Variants in POLA1 observed in about 807,000 individuals in gnomAD.
The protein encoded by POLA1 is DNA polymerase alpha catalytic subunit.
A neutral mutation model predicts 124.0 loss-of-function variants in POLA1; 15 were observed. The observed-to-expected ratio is 0.12, with a 90% CI of 0.08 to 0.19. POLA1 has a LOEUF of 0.19. Among genes scored for constraint, POLA1 ranks in the 10% least tolerant of loss-of-function variants. The probability of loss-of-function intolerance (pLI) is 1.00; values close to 1 mark genes in which losing one functional copy is unlikely to be tolerated. For missense variants in POLA1, 886 were observed against 1,103.4 expected, an observed-to-expected ratio of 0.80 and a Z score of 2.79; for synonymous variants, 408 against 389.4, an observed-to-expected ratio of 1.05 and a Z score of -0.56.
intron 32 of POLA1, among the ~76,000 whole-genome samples, chrX:24,828,181 T>C (rs763309036): frequency 8.9e-6 from 1 of 112,918 alleles, no homozygotes; most frequent in South Asian, 3.7e-4. Context: ...AAAAGCAAGG[T>C]ATTTTTTAGC....
chrX:24,931,069 A>G (rs7053813), intron 36 of POLA1, among the ~76,000 whole-genome samples: 5,112 of 110,665 alleles, frequency 0.046, 288 homozygotes, highest in African/African-American at 0.16. Context: ...AACCCTCAGC[A>G]CTCGGCGTTT....
intron 36 of POLA1, among the ~76,000 whole-genome samples, chrX:24,984,434 C>A (rs975840700): frequency 3.6e-5 from 4 of 111,546 alleles, no homozygotes; most frequent in Non-Finnish European, 5.6e-5. Flanking sequence ...AAGGAACAAA[C>A]TGAAATAAGG....
intron 34 of POLA1, among the ~76,000 whole-genome samples, chrX:24,861,332 A>G (rs1044287640): frequency 8.9e-6 from 1 of 112,019 alleles, no homozygotes; most frequent in African/African-American, 3.2e-5. Flanking sequence ...GGCTTTCGCC[A>G]TGTTTCCCAA....
chrX:24,747,223 T>C (rs1932057416), intron 24 of POLA1, among the ~76,000 whole-genome samples: 1 of 107,883 alleles, frequency 9.3e-6, no homozygotes, highest in Non-Finnish European at 1.9e-5. Context: ...TGGAGTGCAA[T>C]GTTGTGATCT....
At chrX:24,988,171 C>CTACA (rs2147298372) in intron 36 of POLA1, among the ~76,000 whole-genome samples, 1 of 112,554 alleles carries the variant, frequency 8.9e-6, no homozygotes, top group Non-Finnish European at 1.9e-5. Flanking sequence ...TGCCTATTTG[C>CTACA]ATATTTCTAC....
At position 24,701,373 on chromosome X, in the gene POLA1, A is replaced by G. The variant is rs1196363880; in HGVS notation, c.168+1824A>G. Among the ~76,000 whole-genome samples the G allele has an allele frequency of 2.7e-5, 3 of 110,326 alleles. No homozygotes were observed. The Admixed American group carries it at 2.9e-4, about 11-fold the overall frequency. The stretch of plus-strand genomic sequence containing the variant: ...AAAAGCTCTGTCCAAGTTTTTTCCT[A>G]GGGTATTAACTCTTCAGATGGAGTT... On this transcript the variant is annotated intron_variant, in intron 2 of 36. Transcript: ENST00000379068.
chrX:24,916,287 C>CTTTTTTTTTTTTTTTTTTTTTTT (rs1301083848), intron 35 of POLA1, among the ~76,000 whole-genome samples: 1 of 95,162 alleles, frequency 1.1e-5, no homozygotes, highest in African/African-American at 4.0e-5. Flanking sequence ...TTTCTTTTTT[C>CTTTTTTTTTTTTTTTTTTTTTTT]TTTTTTTTTT....
At position 24,810,076 on chromosome X, in the gene POLA1, C is replaced by T. The variant is rs1025682821; in HGVS notation, c.2997+146C>T. 7.2e-6 allele frequency: 3 copies of T among 417,252 alleles called. No individual in the cohort carries two copies. The African/African-American group carries it at 7.6e-5, about 11-fold the overall frequency. The allele number at this position is 417,252 out of a possible 1,213,427, so 34.4% of individuals were successfully genotyped here. A position where few individuals can be genotyped will look rare whatever the true frequency, so the allele number is the denominator to read the frequency against. On this transcript the variant is annotated intron_variant, in intron 27 of 36. Coordinates refer to ENST00000379068, the MANE Select transcript of POLA1 (RefSeq NM_001330360.2). Reference sequence around the variant, plus strand: ...ATTTATAATCCTTCCTAATGGATTACAGCTTTTTTCTTTTACCAGTGCTGA... The same window carrying T: ...ATTTATAATCCTTCCTAATGGATTATAGCTTTTTTCTTTTACCAGTGCTGA...
intron 1 of POLA1, among the ~76,000 whole-genome samples, chrX:24,695,369 CT>C (rs1012433958): frequency 3.8e-5 from 4 of 106,542 alleles, no homozygotes; most frequent in Admixed American, 1.0e-4. Flanking sequence ...AAAATGTAGG[CT>C]TTTTTTTTTC....
At chrX:24,871,215 G>T (rs1183126615) in intron 34 of POLA1, among the ~76,000 whole-genome samples, 1 of 112,169 alleles carries the variant, frequency 8.9e-6, no homozygotes, top group African/African-American at 3.2e-5. Context: ...AACCTTATTT[G>T]TATAAATACA....
At chrX:24,906,676 T>A (rs1207638839) in intron 35 of POLA1, among the ~76,000 whole-genome samples, 1 of 110,679 alleles carries the variant, frequency 9.0e-6, no homozygotes, top group Non-Finnish European at 1.9e-5. Context: ...ACTATTGAAA[T>A]AATTTTTTTT....
At chrX:24,826,727 A>C (rs1477576519) in intron 32 of POLA1, 126 bp downstream of exon 32, 1 of 455,998 alleles carries the variant, frequency 2.2e-6, no homozygotes, top group Non-Finnish European at 3.6e-6. Context: ...TATAGTTTAG[A>C]ATGTATTTTT....
chrX:24,732,339 G>A, intron 15 of POLA1, 31 bp from the exon 16 acceptor site: 1 of 926,922 alleles, frequency 1.1e-6, no homozygotes, highest in Non-Finnish European at 1.6e-6. Flanking sequence ...TAGCGGTCTG[G>A]TAAGTGGGTT....
At chrX:24,739,626 T>C in intron 20 of POLA1, 76 bp downstream of exon 20, 2 of 625,240 alleles carry the variant, frequency 3.2e-6, no homozygotes, top group Non-Finnish European at 4.9e-6. Context: ...CTATCCTTAG[T>C]CTGGAGGGAC....
intron 34 of POLA1, among the ~76,000 whole-genome samples, chrX:24,876,798 T>A (rs1025949143): frequency 4.5e-5 from 5 of 111,561 alleles, no homozygotes; most frequent in African/African-American, 1.6e-4. Context: ...AGTTAGAAAT[T>A]ACAGCTGTAG....
At position 24,727,766 on chromosome X, in the gene POLA1, A is replaced by G; in HGVS notation, c.1532-16A>G. ...CAGTAAATAGCTATTGATCTGTTGT[A>G]TCTATTCTCTTTCAGAGCTCTTGAA... is the stretch of plus-strand genomic sequence containing the variant. On this transcript the variant is annotated splice_polypyrimidine_tract_variant and intron_variant, in intron 14 of 36. Transcript: ENST00000379068. 8.4e-7 allele frequency: 1 copy of G among 1,194,473 alleles called. No individual in the cohort carries two copies. The highest frequency in any genetic ancestry group is 1.8e-5 in the South Asian group (1 of 55,491).
intron 32 of POLA1, among the ~76,000 whole-genome samples, chrX:24,839,996 TCTAATTTA>T (rs1219005453): frequency 8.9e-6 from 1 of 112,109 alleles, no homozygotes; most frequent in Non-Finnish European, 1.9e-5. Flanking sequence ...CACATAATTC[TCTAATTTA>T]CTATTTCTCT....
intron 15 of POLA1, 23 bp from the exon 16 acceptor site, chrX:24,732,347 G>T: frequency 1.9e-6 from 2 of 1,080,247 alleles, no homozygotes; most frequent in Middle Eastern, 4.9e-4. Flanking sequence ...TGGTAAGTGG[G>T]TTTTTTCCTC....
At chrX:24,824,801 T>C (rs1168813246) in intron 31 of POLA1, among the ~76,000 whole-genome samples, 1 of 111,616 alleles carries the variant, frequency 9.0e-6, no homozygotes, top group East Asian at 2.8e-4. Context: ...CGTTTTAAAC[T>C]GAAAGCATGC....
Sources: gnomAD v4.1 joint callset for allele counts (sites outside exome capture counted in the v4.1 genomes callset) on GRCh38, gnomAD v4.1.1 for gene constraint, MANE v1.5 for transcripts, NCBI Gene and HGNC (gene_info 2026-07-23, HGNC 2026-07-21) for gene names.